Variants in C1orf21 observed in about 807,000 individuals in gnomAD.
The protein encoded by C1orf21 is chromosome 1 open reading frame 21.
C1orf21 carries 3 observed loss-of-function variants against 18.7 expected under a neutral mutation model. That is an observed-to-expected ratio of 0.16 (90% CI 0.07 to 0.42). C1orf21 has a LOEUF of 0.42. Among genes scored for constraint, C1orf21 ranks in the 10% least tolerant of loss-of-function variants. The probability of loss-of-function intolerance (pLI) is 0.99; values close to 1 mark genes in which losing one functional copy is unlikely to be tolerated. For missense variants in C1orf21, 104 were observed against 143.6 expected, an observed-to-expected ratio of 0.72 and a Z score of 1.41; for synonymous variants, 41 against 46.4, an observed-to-expected ratio of 0.88 and a Z score of 0.47.
In C1orf21 at chr1:184,589,455, G is replaced by A. The variant is rs1659406185; in HGVS notation, c.190-1284G>A. Reference sequence around the variant, plus strand: ...GAAAGGACATGGGCCCTGCCCTTCTGTTGTGAGTGCATTCGGGTTTTCTAA... The same window carrying A: ...GAAAGGACATGGGCCCTGCCCTTCTATTGTGAGTGCATTCGGGTTTTCTAA... On this transcript the variant is annotated intron_variant, in intron 3 of 5. Coordinates refer to ENST00000235307, the MANE Select transcript of C1orf21 (RefSeq NM_030806.4). Among the ~76,000 whole-genome samples the A allele has an allele frequency of 2.0e-5, 3 of 152,226 alleles. No homozygotes were observed. In the South Asian group the frequency reaches 6.2e-4, roughly 32 times the overall value.
chr1:184,603,791 G>A (rs188022140), intron 5 of C1orf21, among the ~76,000 whole-genome samples: 19 of 152,254 alleles, frequency 1.2e-4, no homozygotes, highest in South Asian at 1.2e-3. Flanking sequence ...GCAAGACTCC[G>A]TGTCAAAAAA....
rs183623079 is a variant in C1orf21 at position 184,611,298 on chromosome 1, C to T, written c.328-8220C>T. On this transcript the variant is annotated intron_variant, in intron 5 of 5. Coordinates refer to ENST00000235307, the MANE Select transcript of C1orf21 (RefSeq NM_030806.4). The stretch of plus-strand genomic sequence containing the variant: ...TTATGACTTGTTGTTTGACTATAAA[C>T]GAAAATGCTGCTGAAAAGTGCTCTG... Among the ~76,000 whole-genome samples the T allele has an allele frequency of 1.3e-4, 20 of 152,270 alleles. No individual in the cohort carries two copies. In the East Asian group the frequency reaches 2.3e-3, roughly 18 times the overall value.
intron 3 of C1orf21, among the ~76,000 whole-genome samples, chr1:184,569,849 C>G (rs368909636): frequency 5.1e-4 from 77 of 152,322 alleles, no homozygotes; most frequent in African/African-American, 1.8e-3. Flanking sequence ...AGGAAGAGGT[C>G]ACTGTGCTGT....
intron 3 of C1orf21, among the ~76,000 whole-genome samples, chr1:184,520,628 T>C (rs1310907181): frequency 1.2e-4 from 19 of 152,214 alleles, no homozygotes; most frequent in Non-Finnish European, 7.3e-5. Flanking sequence ...GGCCAGGAGA[T>C]GGCCATCTAG....
At chr1:184,592,291 G>A (rs1042972112) in intron 4 of C1orf21, 7 of 152,130 alleles carry the variant, frequency 4.6e-5, no homozygotes, top group Non-Finnish European at 8.8e-5. Context: ...ATTATATCAC[G>A]TGAGGATCTA....
chr1:184,398,473 T>C (rs1355074480), intron 1 of C1orf21, among the ~76,000 whole-genome samples: 2 of 152,216 alleles, frequency 1.3e-5, no homozygotes, highest in African/African-American at 2.4e-5. Flanking sequence ...ACTCCTTTCT[T>C]CTCATTTACT....
intron 3 of C1orf21, among the ~76,000 whole-genome samples, chr1:184,569,625 G>A (rs901345017): frequency 1.3e-5 from 2 of 152,232 alleles, no homozygotes; most frequent in Non-Finnish European, 2.9e-5. Context: ...GGGAGGCCAA[G>A]GATGGAGAAT....
intron 2 of C1orf21, among the ~76,000 whole-genome samples, chr1:184,485,522 T>A (rs966052633): frequency 5.3e-5 from 8 of 152,202 alleles, no homozygotes; most frequent in Non-Finnish European, 8.8e-5. Context: ...CTTTCAAGTT[T>A]TAGTTTTTAT....
At chr1:184,492,089 T>C (rs1403698074) in intron 2 of C1orf21, among the ~76,000 whole-genome samples, 1 of 152,240 alleles carries the variant, frequency 6.6e-6, no homozygotes, top group African/African-American at 2.4e-5. Context: ...AAATAACTCC[T>C]CTTAGAGATC....
intron 2 of C1orf21, among the ~76,000 whole-genome samples, chr1:184,505,978 C>T (rs1310842964): frequency 4.0e-5 from 6 of 151,716 alleles, no homozygotes; most frequent in South Asian, 2.1e-4. Context: ...AGTAAATAAT[C>T]CTTCATCAAA....
At chr1:184,404,428 C>G (rs1015265232) in intron 1 of C1orf21, among the ~76,000 whole-genome samples, 23 of 152,224 alleles carry the variant, frequency 1.5e-4, no homozygotes, top group African/African-American at 4.8e-4. Flanking sequence ...CATGAGGGCC[C>G]AGTCTTGGCT....
chr1:184,393,672 A>G (rs1481469065), intron 1 of C1orf21, among the ~76,000 whole-genome samples: 1 of 152,214 alleles, frequency 6.6e-6, no homozygotes, highest in East Asian at 1.9e-4. Context: ...TAAAGGAAAT[A>G]TCTTGATGAT....
intron 1 of C1orf21, among the ~76,000 whole-genome samples, chr1:184,446,227 AGCTTGGT>A (rs1657027380): frequency 6.6e-6 from 1 of 151,694 alleles, no homozygotes; most frequent in Non-Finnish European, 1.5e-5. Context: ...TTGGTTCCAG[AGCTTGGT>A]GCTTCAGAGT....
intron 1 of C1orf21, among the ~76,000 whole-genome samples, chr1:184,438,991 A>T (rs1030627727): frequency 5.9e-5 from 9 of 152,096 alleles, no homozygotes; most frequent in Non-Finnish European, 1.3e-4. Context: ...CAGGTGAATC[A>T]CCTGAGGTCA....
At chr1:184,509,575 A>G (rs1221306465) in intron 3 of C1orf21, among the ~76,000 whole-genome samples, 1 of 151,970 alleles carries the variant, frequency 6.6e-6, no homozygotes, top group African/African-American at 2.4e-5. Flanking sequence ...TTTGTTACCT[A>G]CTCCATCCTT....
At chr1:184,486,046 C>T (rs1369327327) in intron 2 of C1orf21, among the ~76,000 whole-genome samples, 1 of 152,120 alleles carries the variant, frequency 6.6e-6, no homozygotes, top group Non-Finnish European at 1.5e-5. Context: ...TTGAGCTGAG[C>T]CTCAGAAAGG....
At chr1:184,608,668 T>C (rs1443608874) in intron 5 of C1orf21, among the ~76,000 whole-genome samples, 1 of 152,224 alleles carries the variant, frequency 6.6e-6, no homozygotes, top group Admixed American at 6.5e-5. Context: ...CCCCAGCCTG[T>C]CACGTGTCCT....
chr1:184,524,520 G>A (rs1658351418), intron 3 of C1orf21, among the ~76,000 whole-genome samples: 1 of 152,014 alleles, frequency 6.6e-6, no homozygotes, highest in Admixed American at 6.6e-5. Context: ...GACATTGGCT[G>A]GAATTGTCCC....
Position 184,479,683 on chromosome 1 carries a change from G to A in C1orf21, c.94+2080G>A, listed in dbSNP as rs61823550. On this transcript the variant is annotated intron_variant, in intron 2 of 5. Transcript: ENST00000235307. Reference sequence around the variant, plus strand: ...GGCCTAGGCTGGAGTGCAGTGGTGCGATCAGGGTTCACTGCTGCCTTGACT... The same window carrying A: ...GGCCTAGGCTGGAGTGCAGTGGTGCAATCAGGGTTCACTGCTGCCTTGACT... Among the ~76,000 whole-genome samples, 859 of 145,606 alleles carry A rather than the reference G, an allele frequency of 5.9e-3. 6 individuals are homozygous for A. The highest frequency in any genetic ancestry group is 8.1e-3 in the Non-Finnish European group (543 of 67,292).
Sources: gnomAD v4.1 joint callset for allele counts (sites outside exome capture counted in the v4.1 genomes callset) on GRCh38, gnomAD v4.1.1 for gene constraint, MANE v1.5 for transcripts, NCBI Gene and HGNC (gene_info 2026-07-23, HGNC 2026-07-21) for gene names.